Variants in CFAP20DC observed in about 807,000 individuals in gnomAD.
The protein encoded by CFAP20DC is CFAP20 domain containing, also known as protein CFAP20DC.
Under a neutral mutation model 101.7 loss-of-function variants are expected in CFAP20DC, and 84 were observed. The observed-to-expected ratio is 0.83, with a 90% CI of 0.69 to 0.99. The LOEUF is 0.99. Among genes scored for constraint, CFAP20DC ranks in the 50% least tolerant of loss-of-function variants. The pLI is 0.00. For synonymous variants in CFAP20DC, 359 were observed against 351.2 expected (o/e 1.02, Z -0.25); for missense variants, 1,007 against 970.3 (o/e 1.04, Z -0.50).
intron 4 of CFAP20DC, among the ~76,000 whole-genome samples, chr3:58,960,628 C>T (rs1160774361): frequency 6.6e-6 from 1 of 151,918 alleles, no homozygotes; most frequent in Non-Finnish European, 1.5e-5. Flanking sequence ...TATTGACTTT[C>T]ATATTCTGCA....
chr3:58,863,714 A>C lies in CFAP20DC; in HGVS notation c.1437T>G (p.Thr479=). 6.2e-7 allele frequency: 1 copy of C among 1,614,176 alleles called. No homozygotes were observed. The highest frequency in any genetic ancestry group is 8.5e-7 in the Non-Finnish European group (1 of 1,180,046). The change falls in exon 12 of 17, where the codon ACT becomes ACG. Residue 479 remains threonine (T), a synonymous_variant. Transcript: ENST00000482387. This position sits in a 1 kb window ranked among gnomAD's most constrained non-coding sequence, Gnocchi z 5.9. ...GTGCTGATCGTGGTCTTGATGAAAAAGTGAAAATGTCCTTTGGAACACTCT... is the reference window on the plus strand; with the variant it reads ...GTGCTGATCGTGGTCTTGATGAAAACGTGAAAATGTCCTTTGGAACACTCT... ...ESQSVPKDIF[T]FSSRPRSAPH...
At chr3:58,854,190 AACAG>A (rs1159986393) in intron 12 of CFAP20DC, among the ~76,000 whole-genome samples, 2 of 151,908 alleles carry the variant, frequency 1.3e-5, no homozygotes, top group Non-Finnish European at 2.9e-5. Flanking sequence ...ATACACCAAC[AACAG>A]ACAAACAGAG....
In CFAP20DC at chr3:59,002,927, C is replaced by A; in HGVS notation, c.278+36630G>T. On this transcript the variant is annotated intron_variant, in intron 4 of 16. Transcript: ENST00000482387. This position sits in a 1 kb window ranked among gnomAD's most constrained non-coding sequence, Gnocchi z 4.5. ...GCTCCCAGAAAATGAAGTCACTTGCCCAAGGTCTTGGTTACTGACAGAGCT... is the reference window on the plus strand; with the variant it reads ...GCTCCCAGAAAATGAAGTCACTTGCACAAGGTCTTGGTTACTGACAGAGCT... 6.6e-6 allele frequency among the ~76,000 whole-genome samples: 1 copy of A among 152,032 alleles called. No individual in the cohort carries two copies. The highest frequency in any genetic ancestry group is 3.2e-3 in the Middle Eastern group (1 of 314).
intron 11 of CFAP20DC, among the ~76,000 whole-genome samples, chr3:58,865,429 A>G (rs1028107163): frequency 4.6e-5 from 7 of 152,216 alleles, no homozygotes; most frequent in African/African-American, 1.2e-4. Flanking sequence ...GAGAAAACCT[A>G]CTAGGGACAA....
In CFAP20DC at chr3:58,721,098, G is replaced by A. The variant is rs1015387782; in HGVS notation, c.198-3470C>T. On this transcript the variant is annotated intron_variant, in intron 3 of 3. Transcript: ENST00000486145. This position sits in a 1 kb window ranked among gnomAD's most constrained non-coding sequence, Gnocchi z 5.2. ...TTTTCTTTCAACACATACCTCCAGA[G>A]GGTTTATCTGTTTATCCTCTGTCTC... 6.6e-6 allele frequency among the ~76,000 whole-genome samples: 1 copy of A among 152,174 alleles called. No homozygotes were observed. Among genetic ancestry groups the A allele is most frequent in the Non-Finnish European group, 1.5e-5 (1 of 68,040 alleles).
intron 12 of CFAP20DC, among the ~76,000 whole-genome samples, chr3:58,854,048 C>T (rs2078519760): frequency 6.6e-6 from 1 of 152,028 alleles, no homozygotes; most frequent in African/African-American, 2.4e-5. Context: ...TCAAATTGTC[C>T]CTGTTTGCAG....
At chr3:58,779,767 G>C (rs1044185712) in intron 15 of CFAP20DC, among the ~76,000 whole-genome samples, 11 of 152,220 alleles carry the variant, frequency 7.2e-5, no homozygotes, top group African/African-American at 2.6e-4. Context: ...GTGAAGAGGA[G>C]ATGAAAGGGT....
chr3:58,997,015 C>T (rs937265707), intron 4 of CFAP20DC, among the ~76,000 whole-genome samples: 1 of 152,172 alleles, frequency 6.6e-6, no homozygotes, highest in Non-Finnish European at 1.5e-5. Flanking sequence ...GGACTCTGGC[C>T]TTGTGGAGGA....
rs538981765 is a variant in CFAP20DC at position 59,022,615 on chromosome 3, A to G, written c.278+16942T>C. On this transcript the variant is annotated intron_variant, in intron 4 of 16. Transcript: ENST00000482387. Reference sequence around the variant, plus strand: ...GGTAATGTCTATGTACATGAAACAGAAAGGTTGTTCCTACTTACTGCTAAT... The same window carrying G: ...GGTAATGTCTATGTACATGAAACAGGAAGGTTGTTCCTACTTACTGCTAAT... 2.6e-5 allele frequency among the ~76,000 whole-genome samples: 4 copies of G among 152,248 alleles called. No homozygotes were observed. The South Asian group carries it at 6.2e-4, about 24-fold the overall frequency.
intron 5 of CFAP20DC, among the ~76,000 whole-genome samples, chr3:58,929,016 C>A (rs796713096): frequency 6.6e-6 from 1 of 152,036 alleles, no homozygotes; most frequent in Non-Finnish European, 1.5e-5. Context: ...CTCCACAGTA[C>A]CTATTATAGC....
At chr3:58,730,919 T>G (rs1420372183) in intron 3 of CFAP20DC, among the ~76,000 whole-genome samples, 2 of 152,098 alleles carry the variant, frequency 1.3e-5, no homozygotes, top group Admixed American at 1.3e-4. Context: ...TGTGTCTAAC[T>G]CTGCTTGGAG....
At chr3:58,991,986 T>C (rs547414971) in intron 4 of CFAP20DC, among the ~76,000 whole-genome samples, 61 of 152,348 alleles carry the variant, frequency 4.0e-4, no homozygotes, top group Middle Eastern at 6.8e-3. Context: ...GCTAAACACA[T>C]AGTAAGCAAA....
chr3:58,808,245 T>G (rs2074281644), intron 14 of CFAP20DC, among the ~76,000 whole-genome samples: 1 of 151,904 alleles, frequency 6.6e-6, no homozygotes, highest in Non-Finnish European at 1.5e-5. Flanking sequence ...GAAGAGCAAC[T>G]CCAAGACACA....
At chr3:58,717,309 A>C (rs1037142081), downstream of CFAP20DC, 28 of 190,852 alleles carry the variant, frequency 1.5e-4, no homozygotes, top group African/African-American at 6.2e-4. The surrounding 1 kb of genome is among the most constrained non-coding windows in gnomAD (Gnocchi z 4.1). Flanking sequence ...AGCATTGCTG[A>C]TACTACCCTG....
In CFAP20DC at chr3:58,722,169, C is replaced by T. The variant is rs139250711; in HGVS notation, c.198-4541G>A. The stretch of plus-strand genomic sequence containing the variant: ...CTCTGGTCAATGGTCCCAGCTAAAG[C>T]CCAGCCTCCGGGTCATCCCAGCCCA... On this transcript the variant is annotated intron_variant, in intron 3 of 3. Coordinates refer to the CFAP20DC transcript ENST00000486145. The surrounding 1 kb of genome is among the most constrained non-coding windows in gnomAD (Gnocchi z 4.5). Among the ~76,000 whole-genome samples the T allele has an allele frequency of 5.9e-5, 9 of 152,322 alleles. No individual in the cohort carries two copies. Among genetic ancestry groups the T allele is most frequent in the African/African-American group, 1.7e-4 (7 of 41,570 alleles).
At chr3:58,750,698 G>C (rs576911498) in intron 16 of CFAP20DC, among the ~76,000 whole-genome samples, 1 of 152,276 alleles carries the variant, frequency 6.6e-6, no homozygotes, top group African/African-American at 2.4e-5. Context: ...TGAGGGGTTG[G>C]ACCACATCAG....
intron 15 of CFAP20DC, among the ~76,000 whole-genome samples, chr3:58,776,824 A>C (rs1055343709): frequency 1.3e-5 from 2 of 151,996 alleles, no homozygotes; most frequent in African/African-American, 2.4e-5. Context: ...CCTGGTTAGA[A>C]AAAAGGCAAC....
intron 13 of CFAP20DC, among the ~76,000 whole-genome samples, chr3:58,839,056 G>A (rs886176825): frequency 3.9e-5 from 6 of 152,216 alleles, no homozygotes; most frequent in Non-Finnish European, 8.8e-5. Context: ...TATATCTGGA[G>A]TGGGAAGATG....
At chr3:58,959,221 A>G (rs888586955) in intron 4 of CFAP20DC, among the ~76,000 whole-genome samples, 2 of 152,098 alleles carry the variant, frequency 1.3e-5, no homozygotes, top group Admixed American at 1.3e-4. Flanking sequence ...CAGCCTCCCA[A>G]ATAGCTGGGA....
Sources: gnomAD v4.1 joint callset for allele counts (sites outside exome capture counted in the v4.1 genomes callset) on GRCh38, gnomAD v4.1.1 for gene constraint, Gnocchi (gnomAD v3.1) non-coding constraint, MANE v1.5 for transcripts, NCBI Gene and HGNC (gene_info 2026-07-23, HGNC 2026-07-21) for gene names.